PCDHGA3: variants seen among roughly 807,000 people sequenced by gnomAD.
PCDHGA3 encodes protocadherin gamma-A3.
A neutral mutation model predicts 58.5 loss-of-function variants in PCDHGA3; 40 were observed. That is an observed-to-expected ratio of 0.68 (90% CI 0.53 to 0.89). The LOEUF (loss-of-function observed/expected upper bound fraction) is 0.89, where lower values mean the gene tolerates loss of function less well. Among genes scored for constraint, PCDHGA3 ranks in the 40% least tolerant of loss-of-function variants. PCDHGA3 has a pLI of 0.00. For synonymous variants in PCDHGA3, 530 were observed against 525.7 expected, an observed-to-expected ratio of 1.01 and a Z score of -0.11; for missense variants, 1,223 against 1,195.9, an observed-to-expected ratio of 1.02 and a Z score of -0.33.
At chr5:141,415,185 C>G (rs375113497) in intron 1 of PCDHGA3, 66 of 1,613,860 alleles carry the variant, frequency 4.1e-5, no homozygotes, top group Non-Finnish European at 5.4e-5. Flanking sequence ...CCGTGGCCGA[C>G]AGCATCCCCC....
chr5:141,400,292 G>T, intron 1 of PCDHGA3: 1 of 1,614,078 alleles, frequency 6.2e-7, no homozygotes, highest in South Asian at 1.1e-5. Flanking sequence ...GCCTGGAGCT[G>T]CTTCCAACCT....
chr5:141,404,886 C>T (rs1248535405), intron 1 of PCDHGA3: 2 of 1,613,906 alleles, frequency 1.2e-6, no homozygotes, highest in South Asian at 1.1e-5. Context: ...CTTGTGGTGG[C>T]TGTACAGGAC....
At chr5:141,350,874 A>G (rs756809121) in intron 1 of PCDHGA3, 3 of 1,613,964 alleles carry the variant, frequency 1.9e-6, no homozygotes, top group Non-Finnish European at 2.5e-6. Flanking sequence ...CAGAGCTCTC[A>G]TCGCTTAATC....
intron 1 of PCDHGA3, chr5:141,351,991 C>G (rs769411499): frequency 3.1e-6 from 5 of 1,610,778 alleles, no homozygotes; most frequent in Non-Finnish European, 1.7e-6. Context: ...TGCCACGCGC[C>G]GCAGAGCCCG....
chr5:141,389,095 CAG>C (rs759384103), intron 1 of PCDHGA3: 4 of 1,613,906 alleles, frequency 2.5e-6, no homozygotes, highest in South Asian at 2.2e-5. Flanking sequence ...AAATTAGTGA[CAG>C]ATGCTGTTCT....
In PCDHGA3 at chr5:141,476,065, G is replaced by T; in HGVS notation, c.2425-18742G>T. ...GCTAACCCGCTGAAAGTTTCTCAGC[G>T]AAATCTCAGGGACGATCTGGACCCC... is the stretch of plus-strand genomic sequence containing the variant. On this transcript the variant is annotated intron_variant, in intron 1 of 3. Coordinates refer to ENST00000253812, the MANE Select transcript of PCDHGA3 (RefSeq NM_018916.4). This position sits in a 1 kb window ranked among gnomAD's most constrained non-coding sequence, Gnocchi z 7.6. 6.6e-7 allele frequency: 1 copy of T among 1,511,444 alleles called. No homozygotes were observed. The highest frequency in any genetic ancestry group is 1.3e-5 in the South Asian group (1 of 76,164). The allele number at this position is 1,511,444 out of a possible 1,614,324, so 93.6% of individuals were successfully genotyped here.
Position 141,356,825 on chromosome 5 carries a change from T to A in PCDHGA3, c.2424+10368T>A, listed in dbSNP as rs573413184. 3.1e-6 allele frequency: 5 copies of A among 1,614,132 alleles called. No homozygotes were observed. The East Asian group carries it at 8.9e-5, about 29-fold the overall frequency. On this transcript the variant is annotated intron_variant, in intron 1 of 3. Transcript: ENST00000253812. Reference sequence around the variant, plus strand: ...GCCAGTGACAGTGGAGACCCTCCACTCAGCAGCAATGTGTCACTGAGCCTC... The same window carrying A: ...GCCAGTGACAGTGGAGACCCTCCACACAGCAGCAATGTGTCACTGAGCCTC...
chr5:141,474,970 A>G (rs1309289477), intron 1 of PCDHGA3, among the ~76,000 whole-genome samples: 4 of 152,212 alleles, frequency 2.6e-5, no homozygotes, highest in African/African-American at 9.6e-5. Context: ...TAATCATTAT[A>G]ATTTTGTTTG....
chr5:141,371,424 G>GC, intron 1 of PCDHGA3: 1 of 1,613,946 alleles, frequency 6.2e-7, no homozygotes. Flanking sequence ...AAATGACAAT[G>GC]CCCCGGAGAT....
intron 1 of PCDHGA3, chr5:141,362,228 T>G: frequency 6.2e-7 from 1 of 1,614,028 alleles, no homozygotes; most frequent in Non-Finnish European, 8.5e-7. Context: ...GCCTTGGCCT[T>G]GATCTCAGTG....
At chr5:141,407,708 G>C (rs2094972839) in intron 1 of PCDHGA3, among the ~76,000 whole-genome samples, 1 of 152,106 alleles carries the variant, frequency 6.6e-6, no homozygotes, top group African/African-American at 2.4e-5. Flanking sequence ...TGAAGGTGGG[G>C]TGATGGCTAT....
At position 141,477,576 on chromosome 5, in the gene PCDHGA3, C is replaced by A; in HGVS notation, c.2425-17231C>A. The A allele has an allele frequency of 6.2e-7, 1 of 1,614,162 alleles. No homozygotes were observed. The highest frequency in any genetic ancestry group is 8.5e-7 in the Non-Finnish European group (1 of 1,180,026). On this transcript the variant is annotated intron_variant, in intron 1 of 3. Transcript: ENST00000253812. The surrounding 1 kb of genome is among the most constrained non-coding windows in gnomAD (Gnocchi z 4.9). ...CTAAGTGTCTGGGACCCCGACGCCC[C>A]GCAGAATGCTCGGCTTTCTTTCTTT...
rs372676262 is a variant in PCDHGA3 at position 141,404,832 on chromosome 5, G to A, written c.2424+58375G>A. On this transcript the variant is annotated intron_variant, in intron 1 of 3. Coordinates refer to ENST00000253812, the MANE Select transcript of PCDHGA3 (RefSeq NM_018916.4). ...GTGGGGCTGCACACAGGTGAAGTGCGCACAGCTCGGGCCCTGCTAGATAGA... is the reference window on the plus strand; with the variant it reads ...GTGGGGCTGCACACAGGTGAAGTGCACACAGCTCGGGCCCTGCTAGATAGA... 34 of 1,613,864 alleles carry A rather than the reference G, an allele frequency of 2.1e-5. No individual in the cohort carries two copies. Among genetic ancestry groups the A allele is most frequent in the Middle Eastern group, 1.6e-4 (1 of 6,062 alleles).
intron 2 of PCDHGA3, 47 bp from the exon 3 acceptor site, chr5:141,505,346 C>G: frequency 4.3e-6 from 7 of 1,612,970 alleles, no homozygotes; most frequent in Non-Finnish European, 5.9e-6. Context: ...GGGGCATGAG[C>G]TGTGCCGGCC....
intron 1 of PCDHGA3, chr5:141,352,224 C>T (rs368925514): frequency 6.2e-7 from 1 of 1,614,092 alleles, no homozygotes. Flanking sequence ...GCCACCGCCA[C>T]GCTGCACCTA....
At chr5:141,361,741 G>A in intron 1 of PCDHGA3, 1 of 1,613,146 alleles carries the variant, frequency 6.2e-7, no homozygotes, top group African/African-American at 1.3e-5. Context: ...GCAGGCCCGC[G>A]ACCAGGGCTC....
In PCDHGA3 at chr5:141,364,376, C is replaced by T. The variant is rs574883395; in HGVS notation, c.2424+17919C>T. 8.9e-6 allele frequency: 14 copies of T among 1,575,320 alleles called. No individual in the cohort carries two copies. The African/African-American group carries it at 1.4e-4, about 15-fold the overall frequency. ...CTGGGGCTGCGGAGAGCTGCTGCTG[C>T]CCTTCATGCTCCTGGGGACGCTGTG... On this transcript the variant is annotated intron_variant, in intron 1 of 3. Transcript: ENST00000253812.
intron 1 of PCDHGA3, chr5:141,420,142 G>T: frequency 4.3e-6 from 7 of 1,614,004 alleles, no homozygotes; most frequent in Non-Finnish European, 5.9e-6. Flanking sequence ...GGGATCAAAT[G>T]AATCCAGAAT....
rs767719494 is a variant in PCDHGA3 at position 141,491,200 on chromosome 5, C to T, written c.2425-3607C>T. On this transcript the variant is annotated intron_variant, in intron 1 of 3. Coordinates refer to ENST00000253812, the MANE Select transcript of PCDHGA3 (RefSeq NM_018916.4). This position sits in a 1 kb window ranked among gnomAD's most constrained non-coding sequence, Gnocchi z 6.9. The stretch of plus-strand genomic sequence containing the variant: ...GGTCCTGGTGAGGGACAATGGTGAC[C>T]CTTCACTCTCCTCCACAGCCACAGT... 4 of 1,614,158 alleles carry T rather than the reference C, an allele frequency of 2.5e-6. No individual in the cohort carries two copies. The highest frequency in any genetic ancestry group is 3.4e-6 in the Non-Finnish European group (4 of 1,180,000).
Sources: gnomAD v4.1 joint callset for allele counts (sites outside exome capture counted in the v4.1 genomes callset) on GRCh38, gnomAD v4.1.1 for gene constraint, Gnocchi (gnomAD v3.1) non-coding constraint, MANE v1.5 for transcripts, NCBI Gene and HGNC (gene_info 2026-07-23, HGNC 2026-07-21) for gene names.